Variants in GNG2 observed in about 807,000 individuals in gnomAD.
The protein encoded by GNG2 is guanine nucleotide-binding protein G(I)/G(S)/G(O) subunit gamma-2.
A neutral mutation model predicts 5.5 loss-of-function variants in GNG2; 5 were observed. That is an observed-to-expected ratio of 0.91 (90% confidence interval 0.48 to 1.92). GNG2 has a LOEUF of 1.92. Among genes scored for constraint, GNG2 ranks in the 30% most tolerant of loss-of-function variants. GNG2 has a pLI of 0.01. For synonymous variants in GNG2, 28 were observed against 32.0 expected, an observed-to-expected ratio of 0.88 and a Z score of 0.42; for missense variants, 55 against 88.4, an observed-to-expected ratio of 0.62 and a Z score of 1.52.
chr14:51,829,985 G>A (rs1237059459), intron 2 of GNG2, among the ~76,000 whole-genome samples: 1 of 152,080 alleles, frequency 6.6e-6, no homozygotes, highest in African/African-American at 2.4e-5. Context: ...TGGGACAACA[G>A]GCGTGCACCA....
intron 2 of GNG2, among the ~76,000 whole-genome samples, chr14:51,829,579 T>G (rs1881125616): frequency 6.6e-6 from 1 of 152,166 alleles, no homozygotes; most frequent in African/African-American, 2.4e-5. Flanking sequence ...ATAAAAACCC[T>G]ATCTTGATCC....
chr14:51,916,362 T>G, intron 2 of GNG2: 1 of 417,048 alleles, frequency 2.4e-6, no homozygotes, highest in Non-Finnish European at 4.7e-6. Flanking sequence ...TTGAGAATAG[T>G]GCACCGTTGG....
intron 2 of GNG2, among the ~76,000 whole-genome samples, chr14:51,848,899 A>G (rs1881771041): frequency 6.6e-6 from 1 of 152,236 alleles, no homozygotes; most frequent in South Asian, 2.1e-4. Context: ...CCGCTGGTCT[A>G]ACACAGATGG....
At chr14:51,849,015 T>C (rs1881779473) in intron 2 of GNG2, among the ~76,000 whole-genome samples, 2 of 152,202 alleles carry the variant, frequency 1.3e-5, no homozygotes, top group Admixed American at 6.5e-5. Context: ...ATACAATATA[T>C]ACTTTTTTTC....
chr14:51,954,120 T>C (rs988020948), intron 3 of GNG2, among the ~76,000 whole-genome samples: 1 of 152,162 alleles, frequency 6.6e-6, no homozygotes, highest in African/African-American at 2.4e-5. Flanking sequence ...CATAGTTACA[T>C]GAATAGCATG....
intron 2 of GNG2, among the ~76,000 whole-genome samples, chr14:51,932,150 G>A (rs185370794): frequency 4.8e-4 from 72 of 149,448 alleles, no homozygotes; most frequent in African/African-American, 1.7e-3. Flanking sequence ...GGGAGGCTGA[G>A]GCAGGAGAAT....
chr14:51,836,717 A>G (rs1448249679), intron 2 of GNG2, among the ~76,000 whole-genome samples: 1 of 152,114 alleles, frequency 6.6e-6, no homozygotes, highest in Non-Finnish European at 1.5e-5. Context: ...GCCTGGAAAA[A>G]AAAAATCATA....
intron 2 of GNG2, among the ~76,000 whole-genome samples, chr14:51,839,854 A>G (rs773280747): frequency 6.6e-6 from 1 of 152,192 alleles, no homozygotes; most frequent in African/African-American, 2.4e-5. Flanking sequence ...TAGTCATTCA[A>G]TATAAATATG....
intron 2 of GNG2, among the ~76,000 whole-genome samples, chr14:51,896,645 G>A (rs1319522636): frequency 6.6e-6 from 1 of 152,142 alleles, no homozygotes; most frequent in Non-Finnish European, 1.5e-5. Context: ...GTGTTTGTGT[G>A]CAGATTTGAT....
rs185122242 is a variant in GNG2, at chr14:51,923,337, T to A, written c.-29-27313T>A. Among the ~76,000 whole-genome samples the A allele has an allele frequency of 1.2e-4, 18 of 152,212 alleles. No individual in the cohort carries two copies. The East Asian group carries it at 2.7e-3, about 23-fold the overall frequency. On this transcript the variant is annotated intron_variant, in intron 2 of 3. Transcript: ENST00000556766. Reference sequence around the variant, plus strand: ...AAATTCAAATCAGAAAGTTTGAGATTTGGATTTGAACTGTAGAGGTTAAGA... The same window carrying A: ...AAATTCAAATCAGAAAGTTTGAGATATGGATTTGAACTGTAGAGGTTAAGA...
chr14:51,863,490 C>T (rs72678121), intron 1 of GNG2, among the ~76,000 whole-genome samples: 4,365 of 152,246 alleles, frequency 0.029, 83 homozygotes, highest in Non-Finnish European at 0.048. Context: ...TTACCACTGC[C>T]TCACAGGTTT....
chr14:51,919,079 C>T (rs1300780822), intron 2 of GNG2, among the ~76,000 whole-genome samples: 1 of 152,150 alleles, frequency 6.6e-6, no homozygotes, highest in Non-Finnish European at 1.5e-5. Context: ...CCCGCCTCAG[C>T]CTCCCAAAGT....
chr14:51,868,105 A>T (rs1394652009), intron 1 of GNG2, among the ~76,000 whole-genome samples: 1 of 152,216 alleles, frequency 6.6e-6, no homozygotes, highest in African/African-American at 2.4e-5. Flanking sequence ...GAAAACAGAC[A>T]AATACAGAAA....
At chr14:51,921,014 A>G (rs760654856) in intron 2 of GNG2, among the ~76,000 whole-genome samples, 14 of 152,192 alleles carry the variant, frequency 9.2e-5, no homozygotes, top group Non-Finnish European at 1.3e-4. Context: ...ACTTAATTTC[A>G]TTGAATCTCA....
intron 1 of GNG2, among the ~76,000 whole-genome samples, chr14:51,868,649 G>A (rs1883093417): frequency 1.3e-5 from 2 of 152,214 alleles, no homozygotes; most frequent in African/African-American, 4.8e-5. Context: ...TGAGCAGAAG[G>A]TGCAGGTGCC....
chr14:51,920,904 G>A (rs1886978802), intron 2 of GNG2, among the ~76,000 whole-genome samples: 1 of 152,146 alleles, frequency 6.6e-6, no homozygotes, highest in Admixed American at 6.5e-5. Flanking sequence ...TCTTTGGGTG[G>A]GGTGAAGGGT....
chr14:51,835,650 C>T (rs1258199000), intron 2 of GNG2, among the ~76,000 whole-genome samples: 2 of 152,168 alleles, frequency 1.3e-5, no homozygotes, highest in African/African-American at 2.4e-5. Context: ...CTTACAGGAT[C>T]ATCCACTGCT....
At chr14:51,919,353 G>A (rs2140221509) in intron 2 of GNG2, among the ~76,000 whole-genome samples, 1 of 152,280 alleles carries the variant, frequency 6.6e-6, no homozygotes, top group Non-Finnish European at 1.5e-5. Flanking sequence ...TGCTTAAAAT[G>A]TTAAAAGAAT....
intron 3 of GNG2, among the ~76,000 whole-genome samples, chr14:51,962,572 T>C (rs941867013): frequency 5.3e-5 from 8 of 152,188 alleles, no homozygotes; most frequent in African/African-American, 1.9e-4. Flanking sequence ...ATTAATTGCC[T>C]TTATTTACAA....
Sources: gnomAD v4.1 joint callset for allele counts (sites outside exome capture counted in the v4.1 genomes callset) on GRCh38, gnomAD v4.1.1 for gene constraint, MANE v1.5 for transcripts, NCBI Gene and HGNC (gene_info 2026-07-23, HGNC 2026-07-21) for gene names.